The following METTL25B variants were observed in gnomAD, a reference collection of about 807,000 sequenced individuals.
METTL25B encodes methyltransferase like 25B.
A neutral mutation model predicts 48.4 loss-of-function variants in METTL25B; 38 were observed. The observed-to-expected ratio is 0.78, with a 90% CI of 0.61 to 1.03. METTL25B has a LOEUF of 1.03. Ranked by LOEUF, METTL25B falls within the 50% of genes least tolerant of loss-of-function variation. The probability of loss-of-function intolerance (pLI) is 0.00; values close to 1 mark genes in which losing one functional copy is unlikely to be tolerated. For synonymous variants in METTL25B, 230 were observed against 254.5 expected (o/e 0.90, Z 0.92); for missense variants, 537 against 603.7 (o/e 0.89, Z 1.16).
Position 156,736,621 on chromosome 1 carries a change from C to T in METTL25B, c.1307-11C>T. The T allele has an allele frequency of 6.2e-7, 1 of 1,613,822 alleles. No individual in the cohort carries two copies. The highest frequency in any genetic ancestry group is 8.5e-7 in the Non-Finnish European group (1 of 1,179,920). On this transcript the variant is annotated splice_polypyrimidine_tract_variant and intron_variant, in intron 7 of 7. Transcript: ENST00000368216. Reference sequence around the variant, plus strand: ...TCATTCTTCCCCTTATGATTAAGCCCTTTCTCCCAGGTTTCCATGCTGAGC... The same window carrying T: ...TCATTCTTCCCCTTATGATTAAGCCTTTTCTCCCAGGTTTCCATGCTGAGC...
intron 6 of METTL25B, among the ~76,000 whole-genome samples, chr1:156,735,212 C>G (rs1000265049): frequency 2.0e-5 from 3 of 151,614 alleles, no homozygotes; most frequent in Non-Finnish European, 2.9e-5. Flanking sequence ...TCGTTTGAAC[C>G]CGGGAGGCAG....
At position 156,734,151 on chromosome 1, in the gene METTL25B, G is replaced by A. The variant is rs757529137; in HGVS notation, c.779G>A (p.Cys260Tyr). Reference protein sequence around the residue: ...ARLLLTGLHACGDLSVALLRH... With the variant: ...ARLLLTGLHAYGDLSVALLRH... ...TTGCTGCTCACAGGCCTCCACGCCT[G>A]TGGGGATCTGAGTGTTGCCTTGCTG... The change falls in exon 6 of 8, where the codon TGT becomes TAT. Residue 260 changes from cysteine (C) to tyrosine (Y), a missense_variant. Cys to Tyr is a radical substitution (Grantham distance 194). Coordinates refer to ENST00000368216, the MANE Select transcript of METTL25B (RefSeq NM_015997.4). 3 of 1,614,110 alleles carry A rather than the reference G, an allele frequency of 1.9e-6. No homozygotes were observed. Among genetic ancestry groups the A allele is most frequent in the South Asian group, 1.1e-5 (1 of 91,094 alleles).
rs1411756303 is a variant in METTL25B at position 156,732,988 on chromosome 1, G to A, written c.433G>A (p.Val145Met). The change falls in exon 4 of 8, where the codon GTG (valine) becomes ATG (methionine). Residue 145 changes from valine (V) to methionine (M), a missense_variant. By Grantham distance (21) the Val-to-Met change is conservative. Coordinates refer to ENST00000368216, the MANE Select transcript of METTL25B (RefSeq NM_015997.4). ...QHEIRRLGEL[V>M]KKLSDFTGCT... ...CCTTTGTTTCCTCCTTTTTCAGTTG[G>A]TGAAGAAGCTGAGTGATTTCACAGG... is the stretch of plus-strand genomic sequence containing the variant. The A allele has an allele frequency of 2.9e-5, 47 of 1,613,834 alleles. No homozygotes were observed. Among genetic ancestry groups the A allele is most frequent in the Middle Eastern group, 1.6e-4 (1 of 6,082 alleles).
At chr1:156,733,673 C>G (rs1252840968) in intron 5 of METTL25B, 153 bp downstream of exon 5, 1 of 783,034 alleles carries the variant, frequency 1.3e-6, no homozygotes, top group Admixed American at 2.9e-5. Flanking sequence ...TGCCCTTTCC[C>G]CAGTGCCTCC....
chr1:156,736,533 TC>T, intron 7 of METTL25B, 98 bp from the exon 8 acceptor site: 3 of 1,444,088 alleles, frequency 2.1e-6, no homozygotes, highest in Non-Finnish European at 9.5e-7. Context: ...CGCTGGATCC[TC>T]CCCCATGGGG....
Position 156,728,937 on chromosome 1 carries a change from C to G in METTL25B, c.-168C>G. The G allele has an allele frequency of 1.8e-6, 1 of 564,014 alleles. No individual in the cohort carries two copies. Among genetic ancestry groups the G allele is most frequent in the Non-Finnish European group, 3.0e-6 (1 of 337,462 alleles). The allele number at this position is 564,014 out of a possible 1,614,324, so 34.9% of individuals were successfully genotyped here. ...ACGTCTGGGGGGCGCCTCAAATCTTCCACTCCAGCATCGGATCCCGGAAAG... is the reference window on the plus strand; with the variant it reads ...ACGTCTGGGGGGCGCCTCAAATCTTGCACTCCAGCATCGGATCCCGGAAAG... On this transcript the variant is annotated 5_prime_UTR_variant, in exon 1 of 8. Transcript: ENST00000368216.
Position 156,734,116 on chromosome 1 carries a change from C to A in METTL25B, c.744C>A (p.Gly248=), listed in dbSNP as rs375802073. The change falls in exon 6 of 8, where the codon GGC becomes GGA. Residue 248 remains glycine, a synonymous_variant. Transcript: ENST00000368216. ...LLLPLENPCQ[G]RARLLLTGLH... ...TTCCACTGGAGAACCCGTGTCAGGG[C>A]AGGGCCCGCTTGCTGCTCACAGGCC... The A allele has an allele frequency of 2.5e-6, 4 of 1,614,110 alleles. No individual in the cohort carries two copies. The highest frequency in any genetic ancestry group is 1.3e-5 in the African/African-American group (1 of 74,946).
chr1:156,731,371 G>C (rs1485006114), intron 1 of METTL25B, among the ~76,000 whole-genome samples: 1 of 152,162 alleles, frequency 6.6e-6, no homozygotes, highest in African/African-American at 2.4e-5. Flanking sequence ...TGATCTGCCC[G>C]CCTTGGTCTC....
Position 156,733,035 on chromosome 1 carries a change from G to A in METTL25B, c.480G>A (p.Val160=). The part of the protein sequence containing the change: ...DFTGCTQVVD[V]GSGQGHLSRF... ...CAGGCTGCACCCAGGTTGTAGACGT[G>A]GGCTCAGGCCAGGTGAGCCAGAGTC... The change falls in exon 4 of 8, where the codon GTG becomes GTA. Residue 160 remains valine (V), a synonymous_variant. Transcript: ENST00000368216. 1 of 1,614,098 alleles carries A rather than the reference G, an allele frequency of 6.2e-7. No individual in the cohort carries two copies. Among genetic ancestry groups the A allele is most frequent in the Non-Finnish European group, 8.5e-7 (1 of 1,179,972 alleles).
intron 4 of METTL25B, among the ~76,000 whole-genome samples, 155 bp from the exon 5 acceptor site, chr1:156,733,222 T>G (rs1558020475): frequency 6.6e-6 from 1 of 152,168 alleles, no homozygotes; most frequent in Non-Finnish European, 1.5e-5. Flanking sequence ...GGGAGTTATA[T>G]ACCAACTTAA....
rs1648980557 is a variant in METTL25B, at chr1:156,729,019, C to A, written c.-86C>A. On this transcript the variant is annotated 5_prime_UTR_variant, in exon 1 of 8. Coordinates refer to ENST00000368216, the MANE Select transcript of METTL25B (RefSeq NM_015997.4). Reference sequence around the variant, plus strand: ...CTGTTCTGCCTGCAGAGTTGAGCCCCGTCCGGGTCCTGGACCCGCGTAGTA... The same window carrying A: ...CTGTTCTGCCTGCAGAGTTGAGCCCAGTCCGGGTCCTGGACCCGCGTAGTA... 1.1e-5 allele frequency: 8 copies of A among 701,312 alleles called. No homozygotes were observed. In the South Asian group the frequency reaches 1.5e-4, roughly 13 times the overall value. 43.4% of individuals were successfully genotyped at this position (701,312 alleles called of 1,614,324 possible).
At position 156,732,368 on chromosome 1, in the gene METTL25B, C is replaced by T. The variant is rs561443965; in HGVS notation, c.324C>T (p.Thr108=). 3 of 1,614,168 alleles carry T rather than the reference C, an allele frequency of 1.9e-6. No homozygotes were observed. Among genetic ancestry groups the T allele is most frequent in the Non-Finnish European group, 2.5e-6 (3 of 1,180,038 alleles). Residue 108 remains threonine, a synonymous_variant, in exon 3 of 8, where the codon ACC becomes ACT. Transcript: ENST00000368216. The stretch of plus-strand genomic sequence containing the variant: ...TTACCCGGATGCCTGGCTTTCAGAC[C>T]CCCTCAGAATTCCTGGAGAACCCCA... The part of the protein sequence containing the change: ...LAFTRMPGFQ[T]PSEFLENPSQ...
At position 156,733,278 on chromosome 1, in the gene METTL25B, C is replaced by G. The variant is rs1649447076; in HGVS notation, c.493-99C>G. On this transcript the variant is annotated intron_variant, in intron 4 of 7. Coordinates refer to ENST00000368216, the MANE Select transcript of METTL25B (RefSeq NM_015997.4). ...TTCTGTAGGGTAAAATTTAAGCCTTCTGTGGGGCCTGGGACCCAGGTGTCC... is the reference window on the plus strand; with the variant it reads ...TTCTGTAGGGTAAAATTTAAGCCTTGTGTGGGGCCTGGGACCCAGGTGTCC... 2.8e-6 allele frequency: 4 copies of G among 1,448,936 alleles called. No individual in the cohort carries two copies. The African/African-American group carries it at 5.7e-5, about 21-fold the overall frequency. 89.8% of individuals were successfully genotyped at this position (1,448,936 alleles called of 1,614,324 possible).
chr1:156,732,735 T>C (rs1649403799), intron 3 of METTL25B, among the ~76,000 whole-genome samples: 2 of 152,072 alleles, frequency 1.3e-5, no homozygotes, highest in Admixed American at 1.3e-4. Context: ...CACGCAGGGT[T>C]CTTGTTCTGT....
Position 156,732,974 on chromosome 1 carries a change from T to G in METTL25B, c.430-11T>G, listed in dbSNP as rs377317458. The G allele has an allele frequency of 3.1e-6, 5 of 1,613,820 alleles. No individual in the cohort carries two copies. In the African/African-American group the frequency reaches 5.3e-5, roughly 17 times the overall value. Reference sequence around the variant, plus strand: ...CAGTGGCTAGGAGACCTTTGTTTCCTCCTTTTTCAGTTGGTGAAGAAGCTG... The same window carrying G: ...CAGTGGCTAGGAGACCTTTGTTTCCGCCTTTTTCAGTTGGTGAAGAAGCTG... On this transcript the variant is annotated splice_polypyrimidine_tract_variant and intron_variant, in intron 3 of 7. Coordinates refer to ENST00000368216, the MANE Select transcript of METTL25B (RefSeq NM_015997.4).
intron 3 of METTL25B, 145 bp from the exon 4 acceptor site, chr1:156,732,840 C>G: frequency 1.4e-6 from 1 of 709,738 alleles, no homozygotes; most frequent in Non-Finnish European, 2.4e-6. Flanking sequence ...ACCCTTATAT[C>G]TTTCTTTCCA....
chr1:156,733,657 C>G, intron 5 of METTL25B, 137 bp downstream of exon 5: 1 of 970,758 alleles, frequency 1.0e-6, no homozygotes, highest in African/African-American at 1.6e-5. Flanking sequence ...ACCTCTTTCC[C>G]AAGGTTGCCC....
At chr1:156,734,641 C>T (rs1197451295) in intron 6 of METTL25B, 148 bp downstream of exon 6, 4 of 927,448 alleles carry the variant, frequency 4.3e-6, no homozygotes, top group Non-Finnish European at 6.3e-6. Context: ...ATGCCATTCT[C>T]ATGCCTCAGC....
Position 156,732,338 on chromosome 1 carries a change from G to C in METTL25B, c.294G>C (p.Leu98=). 1 of 1,614,238 alleles carries C rather than the reference G, an allele frequency of 6.2e-7. No individual in the cohort carries two copies. Among genetic ancestry groups the C allele is most frequent in the Non-Finnish European group, 8.5e-7 (1 of 1,180,050 alleles). The part of the protein sequence containing the change: ...LLALKSTACA[L]AFTRMPGFQT... ...CCCTGAAGTCCACGGCGTGTGCCCTGGCCTTTACCCGGATGCCTGGCTTTC... is the reference window on the plus strand; with the variant it reads ...CCCTGAAGTCCACGGCGTGTGCCCTCGCCTTTACCCGGATGCCTGGCTTTC... Residue 98 remains leucine (L), a synonymous_variant, in exon 3 of 8, where the codon CTG becomes CTC. Coordinates refer to ENST00000368216, the MANE Select transcript of METTL25B (RefSeq NM_015997.4).
Sources: gnomAD v4.1 joint callset for allele counts (sites outside exome capture counted in the v4.1 genomes callset) on GRCh38, gnomAD v4.1.1 for gene constraint, MANE v1.5 for transcripts, NCBI Gene and HGNC (gene_info 2026-07-23, HGNC 2026-07-21) for gene names.